UIMC1: variants seen among roughly 807,000 people sequenced by gnomAD.
UIMC1 encodes the protein BRCA1-A complex subunit RAP80.
In UIMC1, 42 loss-of-function variants were observed where a neutral mutation model predicts 84.9. The observed-to-expected ratio is 0.49, with a 90% CI of 0.39 to 0.64. The LOEUF (loss-of-function observed/expected upper bound fraction) is 0.64, where lower values mean the gene tolerates loss of function less well. UIMC1 is among the 30% of genes least tolerant of loss of function. UIMC1 has a pLI of 0.00. For synonymous variants in UIMC1, 281 were observed against 293.0 expected, an observed-to-expected ratio of 0.96 and a Z score of 0.42; for missense variants, 825 against 847.6, an observed-to-expected ratio of 0.97 and a Z score of 0.33.
At chr5:176,983,919 G>A (rs1251115062) in intron 1 of UIMC1, among the ~76,000 whole-genome samples, 6 of 131,982 alleles carry the variant, frequency 4.5e-5, no homozygotes, top group East Asian at 2.5e-4. Context: ...ACCTCTGCCC[G>A]GCCACCCCAT....
chr5:176,982,395 G>A (rs1436906483), intron 2 of UIMC1, 74 bp downstream of exon 2: 26 of 1,521,694 alleles, frequency 1.7e-5, no homozygotes, highest in African/African-American at 7.0e-5. Flanking sequence ...AGTCAGTCAC[G>A]AAACAAACTC....
At chr5:176,975,589 G>C (rs1020612678) in intron 2 of UIMC1, 109 bp from the exon 3 acceptor site, 5 of 975,732 alleles carry the variant, frequency 5.1e-6, no homozygotes, top group Non-Finnish European at 6.3e-6. Flanking sequence ...ATTGGTGATT[G>C]TTATAAATAT....
chr5:176,970,036 T>G (rs1056845423), intron 4 of UIMC1: 3 of 207,796 alleles, frequency 1.4e-5, no homozygotes, highest in African/African-American at 6.9e-5. Context: ...TTTGGGAGGC[T>G]GAGGCAGGCA....
intron 1 of UIMC1, among the ~76,000 whole-genome samples, chr5:176,990,098 G>A (rs1344366585): frequency 3.3e-5 from 5 of 151,718 alleles, no homozygotes; most frequent in African/African-American, 4.8e-5. Flanking sequence ...GGAGAATGGC[G>A]TGAACCCGGG....
chr5:176,959,520 TCCC>T (rs995138554), intron 6 of UIMC1, among the ~76,000 whole-genome samples: 21 of 147,324 alleles, frequency 1.4e-4, no homozygotes, highest in African/African-American at 5.3e-4. Context: ...ATCGAGACCA[TCCC>T]AGCTAAAACG....
chr5:176,924,762 C>T (rs998452935), intron 10 of UIMC1, among the ~76,000 whole-genome samples: 11 of 152,112 alleles, frequency 7.2e-5, no homozygotes, highest in South Asian at 2.1e-4. Context: ...AATAGGCAGC[C>T]GGGCGCGGTG....
At chr5:177,012,487 G>A (rs184591486) in intron 1 of UIMC1, among the ~76,000 whole-genome samples, 99 of 152,246 alleles carry the variant, frequency 6.5e-4, no homozygotes, top group Non-Finnish European at 1.3e-3. Context: ...GAGGCCAGGG[G>A]TTCGTGACCA....
intron 3 of UIMC1, 47 bp downstream of exon 3, chr5:176,975,349 A>AT: frequency 6.3e-7 from 1 of 1,578,952 alleles, no homozygotes; most frequent in South Asian, 1.1e-5. Flanking sequence ...TATCAGTTCT[A>AT]TGACTATTAC....
intron 1 of UIMC1, among the ~76,000 whole-genome samples, chr5:177,011,854 G>A (rs1775555359): frequency 6.6e-6 from 1 of 151,276 alleles, no homozygotes; most frequent in Admixed American, 6.6e-5. Flanking sequence ...AGGCTGGAGT[G>A]CAGTGGCACA....
chr5:176,984,111 G>T (rs1327299649), intron 1 of UIMC1, among the ~76,000 whole-genome samples: 5 of 97,672 alleles, frequency 5.1e-5, no homozygotes, highest in East Asian at 7.6e-4. Flanking sequence ...CTGCCCGGCC[G>T]CCCTGTCTGG....
chr5:176,913,063 A>C (rs1049193326), intron 10 of UIMC1, among the ~76,000 whole-genome samples: 1 of 152,240 alleles, frequency 6.6e-6, no homozygotes, highest in African/African-American at 2.4e-5. Flanking sequence ...ACTGGGGACT[A>C]TATGAATACA....
At chr5:176,960,218 C>T (rs972031578) in intron 6 of UIMC1, among the ~76,000 whole-genome samples, 2 of 152,126 alleles carry the variant, frequency 1.3e-5, no homozygotes, top group Admixed American at 6.5e-5. Flanking sequence ...AAAATCGTAG[C>T]GCTGAGACTT....
At chr5:177,022,266 C>G (rs1581747438) in intron 1 of UIMC1, among the ~76,000 whole-genome samples, 1 of 152,100 alleles carries the variant, frequency 6.6e-6, no homozygotes, top group Non-Finnish European at 1.5e-5. Context: ...GAGCTGGGAG[C>G]TGGCACTTGG....
chr5:176,911,170 G>GAAAAGAAAAGAAAAGAA, intron 11 of UIMC1, 141 bp downstream of exon 11: 1 of 187,770 alleles, frequency 5.3e-6, no homozygotes, highest in African/African-American at 6.2e-5. Context: ...GAAAAGAAAA[G>GAAAAGAAAAGAAAAGAA]AAAAGAAAAT....
At chr5:176,986,216 T>C (rs1581653866) in intron 1 of UIMC1, among the ~76,000 whole-genome samples, 1 of 151,338 alleles carries the variant, frequency 6.6e-6, no homozygotes, top group Non-Finnish European at 1.5e-5. Flanking sequence ...AAAAATTAGC[T>C]CGGCGTGGTG....
At position 176,969,374 on chromosome 5, in the gene UIMC1, A is replaced by C. The variant is rs140191246; in HGVS notation, c.464-83T>G. 1.2e-4 allele frequency: 174 copies of C among 1,504,882 alleles called. No homozygotes were observed. The East Asian group carries it at 3.7e-3, about 32-fold the overall frequency. The allele number at this position is 1,504,882 out of a possible 1,614,324, so 93.2% of individuals were successfully genotyped here. On this transcript the variant is annotated intron_variant, in intron 5 of 14. Coordinates refer to ENST00000511320, the MANE Select transcript of UIMC1 (RefSeq NM_001199298.2). Reference sequence around the variant, plus strand: ...GGTAAGTTATCACTTACCAAGAATTACATAATATGGGTAAGAAAGGCTCTT... The same window carrying C: ...GGTAAGTTATCACTTACCAAGAATTCCATAATATGGGTAAGAAAGGCTCTT...
chr5:176,951,623 T>C (rs1765890610), intron 8 of UIMC1, 46 bp from the exon 9 acceptor site: 1 of 1,449,440 alleles, frequency 6.9e-7, no homozygotes, highest in South Asian at 1.4e-5. Context: ...CATTTTGTGT[T>C]TTCATAATTA....
chr5:176,982,095 CAGATGGCTAGGTGCTATTATATGT>C (rs2149504730), intron 2 of UIMC1, among the ~76,000 whole-genome samples: 1 of 152,306 alleles, frequency 6.6e-6, no homozygotes, highest in East Asian at 1.9e-4. Context: ...TAAACAGCTA[CAGATGGCTAGGTGCTATTATATGT>C]AGAACATATC....
rs1044619072 is a variant in UIMC1, at chr5:176,942,745, TAAAAAAAAAAAA to T, written c.1597+578_1597+589del. On this transcript the variant is annotated intron_variant, in intron 10 of 14. Transcript: ENST00000511320. ...TGGGCGACAGAGCGAGACTCCGTCT[TAAAAAAAAAAAA>T]AAAAAAAAAAGGTTGGGCCAGGTGC... Among the ~76,000 whole-genome samples the T allele has an allele frequency of 9.2e-5, 7 of 76,142 alleles. 1 individual carries two copies. Among genetic ancestry groups the T allele is most frequent in the African/African-American group, 1.5e-4 (3 of 19,472 alleles). The allele number at this position is 76,142 out of a possible 152,430, so 50.0% of individuals were successfully genotyped here. A position where few individuals can be genotyped will look rare whatever the true frequency, so the allele number is the denominator to read the frequency against.
Sources: allele counts gnomAD v4.1 joint callset (sites outside exome capture counted in the v4.1 genomes callset), GRCh38; gene constraint gnomAD v4.1.1; transcripts MANE v1.5; gene names NCBI Gene and HGNC (gene_info 2026-07-23, HGNC 2026-07-21).